CSNK1G3: variants seen among roughly 807,000 people sequenced by gnomAD.
CSNK1G3 encodes casein kinase I isoform gamma-3.
CSNK1G3 carries 23 observed loss-of-function variants against 64.3 expected under a neutral mutation model. That is an observed-to-expected ratio of 0.36 (90% confidence interval 0.26 to 0.51). The LOEUF (loss-of-function observed/expected upper bound fraction) is 0.51. CSNK1G3 is among the 20% of genes least tolerant of loss of function. The pLI, the probability that CSNK1G3 is intolerant of heterozygous loss-of-function variation, is 0.96. For missense variants in CSNK1G3, 357 were observed against 510.5 expected, an observed-to-expected ratio of 0.70 and a Z score of 2.90; for synonymous variants, 158 against 162.2, an observed-to-expected ratio of 0.97 and a Z score of 0.20.
At chr5:123,528,926 A>G (rs184299007) in intron 1 of CSNK1G3, among the ~76,000 whole-genome samples, 37 of 152,326 alleles carry the variant, frequency 2.4e-4, no homozygotes, top group Admixed American at 2.2e-3. Flanking sequence ...TGAGTCACCC[A>G]ATGTGCGTGT....
intron 1 of CSNK1G3, among the ~76,000 whole-genome samples, chr5:123,518,359 A>G (rs1002705987): frequency 6.6e-6 from 1 of 152,188 alleles, no homozygotes; most frequent in Non-Finnish European, 1.5e-5. Context: ...ATTACAGTAG[A>G]TGCTGAAATG....
intron 3 of CSNK1G3, among the ~76,000 whole-genome samples, chr5:123,553,635 G>C (rs908402415): frequency 6.6e-5 from 10 of 152,228 alleles, no homozygotes; most frequent in Non-Finnish European, 1.0e-4. Context: ...AATGCTTGAT[G>C]TGGTAGGTGA....
intron 3 of CSNK1G3, among the ~76,000 whole-genome samples, chr5:123,554,279 C>T (rs1784209603): frequency 6.6e-6 from 1 of 152,120 alleles, no homozygotes. Flanking sequence ...GTATTAAGAT[C>T]TGGTCCTTGG....
chr5:123,563,859 T>G (rs2150520305), intron 4 of CSNK1G3, among the ~76,000 whole-genome samples: 1 of 152,194 alleles, frequency 6.6e-6, no homozygotes, highest in South Asian at 2.1e-4. Flanking sequence ...CTTACTGTAT[T>G]TTGATATTAA....
chr5:123,580,748 A>G (rs1581252105), intron 6 of CSNK1G3, among the ~76,000 whole-genome samples: 1 of 151,974 alleles, frequency 6.6e-6, no homozygotes, highest in East Asian at 1.9e-4. Flanking sequence ...TCTCTTGTTG[A>G]AGTCATTTGA....
At chr5:123,573,445 G>T in exon 5 of CSNK1G3, 4 of 1,613,922 alleles carry the variant, frequency 2.5e-6, no homozygotes, top group Non-Finnish European at 3.4e-6. Context: ...ACAATGCTAT[G>T]GTGCTGGAAC....
chr5:123,523,533 A>G (rs1015643436), intron 1 of CSNK1G3, among the ~76,000 whole-genome samples: 1 of 152,310 alleles, frequency 6.6e-6, no homozygotes. Flanking sequence ...GCAGTTCTAT[A>G]AATTGCAAGG....
At chr5:123,536,846 C>T (rs879655068) in intron 1 of CSNK1G3, among the ~76,000 whole-genome samples, 3 of 152,056 alleles carry the variant, frequency 2.0e-5, no homozygotes, top group Non-Finnish European at 2.9e-5. Context: ...TATTCAGCAT[C>T]ACAAATCATC....
chr5:123,538,497 T>A (rs774774930), intron 1 of CSNK1G3, among the ~76,000 whole-genome samples: 6 of 152,144 alleles, frequency 3.9e-5, no homozygotes, highest in Non-Finnish European at 8.8e-5. Flanking sequence ...TCTATTCAGA[T>A]CGTTTCTATA....
intron 1 of CSNK1G3, among the ~76,000 whole-genome samples, chr5:123,537,077 C>T (rs1324896973): frequency 6.6e-6 from 1 of 152,182 alleles, no homozygotes; most frequent in African/African-American, 2.4e-5. Flanking sequence ...CCAGCAATCT[C>T]ACTACTGGGT....
chr5:123,542,849 A>AGTGTGT (rs66645709), intron 1 of CSNK1G3, among the ~76,000 whole-genome samples: 10,707 of 134,760 alleles, frequency 0.079, 473 homozygotes, highest in Middle Eastern at 0.13. Flanking sequence ...GCCTAGATTT[A>AGTGTGT]GTGTGTGTGT....
intron 4 of CSNK1G3, among the ~76,000 whole-genome samples, chr5:123,566,515 T>C (rs1408107650): frequency 6.6e-6 from 1 of 152,190 alleles, no homozygotes; most frequent in Non-Finnish European, 1.5e-5. Context: ...TGCCCTCTTT[T>C]TCCTTACCTC....
intron 6 of CSNK1G3, among the ~76,000 whole-genome samples, chr5:123,578,091 C>G (rs909436647): frequency 6.6e-6 from 1 of 151,892 alleles, no homozygotes. Flanking sequence ...TCACAAACTG[C>G]TTATCCATTT....
At chr5:123,542,849 A>AGTGTGTGTGTGTGTGTGTGTGT (rs66645709) in intron 1 of CSNK1G3, among the ~76,000 whole-genome samples, 19 of 134,904 alleles carry the variant, frequency 1.4e-4, no homozygotes, top group African/African-American at 5.1e-4. Flanking sequence ...GCCTAGATTT[A>AGTGTGTGTGTGTGTGTGTGTGT]GTGTGTGTGT....
intron 2 of CSNK1G3, among the ~76,000 whole-genome samples, chr5:123,548,627 G>A (rs970187968): frequency 9.2e-5 from 14 of 151,990 alleles, no homozygotes; most frequent in Non-Finnish European, 8.8e-5. Flanking sequence ...GTGTGGTGGG[G>A]CATGCCTGTA....
intron 1 of CSNK1G3, among the ~76,000 whole-genome samples, chr5:123,522,305 C>T (rs1778252178): frequency 6.6e-6 from 1 of 151,804 alleles, no homozygotes; most frequent in South Asian, 2.1e-4. Flanking sequence ...AGATTGAGAC[C>T]GTCTGGCTAA....
chr5:123,571,196 C>T (rs1788030970), intron 4 of CSNK1G3, among the ~76,000 whole-genome samples: 2 of 152,102 alleles, frequency 1.3e-5, no homozygotes, highest in Admixed American at 1.3e-4. Context: ...ATCAGAATCT[C>T]TGTTTCTGGG....
chr5:123,562,391 C>T (rs564933471), intron 4 of CSNK1G3, among the ~76,000 whole-genome samples: 1 of 152,142 alleles, frequency 6.6e-6, no homozygotes, highest in East Asian at 1.9e-4. Flanking sequence ...ATGATATGTT[C>T]ATCTTTTTCT....
chr5:123,607,472 T>A (rs1443162531), intron 12 of CSNK1G3, among the ~76,000 whole-genome samples: 1 of 152,116 alleles, frequency 6.6e-6, no homozygotes, highest in East Asian at 1.9e-4. Context: ...ATTGAAAACA[T>A]TGTGCTAAAT....
Sources: allele counts gnomAD v4.1 joint callset (sites outside exome capture counted in the v4.1 genomes callset), GRCh38; gene constraint gnomAD v4.1.1; transcripts MANE v1.5; gene names NCBI Gene and HGNC (gene_info 2026-07-23, HGNC 2026-07-21).